The following PRKCA variants were observed in gnomAD, a reference collection of about 807,000 sequenced individuals.
The protein encoded by PRKCA is protein kinase C alpha, also known as protein kinase C alpha type.
A neutral mutation model predicts 87.0 loss-of-function variants in PRKCA; 27 were observed. The ratio of observed to expected loss-of-function variants is 0.31; its 90% confidence interval spans 0.23 to 0.43. The LOEUF (loss-of-function observed/expected upper bound fraction) is 0.43. Among genes scored for constraint, PRKCA ranks in the 20% least tolerant of loss-of-function variants. The pLI, the probability that PRKCA is intolerant of heterozygous loss-of-function variation, is 1.00. For synonymous variants in PRKCA, 329 were observed against 311.1 expected (o/e 1.06, Z -0.61); for missense variants, 518 against 852.3 (o/e 0.61, Z 4.88).
chr17:66,440,290 G>A (rs931355349), intron 2 of PRKCA, among the ~76,000 whole-genome samples: 1 of 152,186 alleles, frequency 6.6e-6, no homozygotes, highest in Non-Finnish European at 1.5e-5. Flanking sequence ...GCTACAGGAC[G>A]GAAAGGACTC....
intron 10 of PRKCA, among the ~76,000 whole-genome samples, chr17:66,736,389 T>G (rs1974027152): frequency 6.6e-6 from 1 of 152,002 alleles, no homozygotes; most frequent in Non-Finnish European, 1.5e-5. Flanking sequence ...GGGATTCTCC[T>G]GCCTCAGCCT....
chr17:66,370,228 C>CTTTTTTTTTTTTT (rs35851942), intron 2 of PRKCA, among the ~76,000 whole-genome samples: 1 of 112,258 alleles, frequency 8.9e-6, no homozygotes, highest in Non-Finnish European at 1.7e-5. Context: ...TATTTTGATA[C>CTTTTTTTTTTTTT]TTTTTTTTTT....
At chr17:66,447,523 T>TAAAGTGCAGCTTAAC (rs1355475070) in intron 2 of PRKCA, among the ~76,000 whole-genome samples, 2 of 152,308 alleles carry the variant, frequency 1.3e-5, no homozygotes, top group African/African-American at 2.4e-5. Flanking sequence ...GTTTTCTTGC[T>TAAAGTGCAGCTTAAC]AAAGTGCAGC....
At chr17:66,480,175 T>C (rs1915715815) in intron 2 of PRKCA, among the ~76,000 whole-genome samples, 1 of 152,158 alleles carries the variant, frequency 6.6e-6, no homozygotes, top group Non-Finnish European at 1.5e-5. Context: ...CTTCATATCC[T>C]TCTTTGTATG....
intron 3 of PRKCA, among the ~76,000 whole-genome samples, chr17:66,541,265 G>A (rs144719128): frequency 6.2e-4 from 94 of 152,332 alleles, no homozygotes; most frequent in African/African-American, 2.2e-3. Flanking sequence ...GTTAGCTGCA[G>A]ATTGTGGCTC....
chr17:66,612,759 A>ATTTTTTT, intron 3 of PRKCA, among the ~76,000 whole-genome samples: 1 of 150,314 alleles, frequency 6.7e-6, no homozygotes. Flanking sequence ...GCTAAGTTGT[A>ATTTTTTT]TGGAAACTCA....
chr17:66,591,437 G>A (rs1969801984), intron 3 of PRKCA, among the ~76,000 whole-genome samples: 1 of 152,084 alleles, frequency 6.6e-6, no homozygotes, highest in Non-Finnish European at 1.5e-5. Context: ...AGGATTACAG[G>A]TGTGAGCCAC....
intron 3 of PRKCA, among the ~76,000 whole-genome samples, chr17:66,553,151 T>G (rs1267790762): frequency 6.6e-6 from 1 of 151,928 alleles, no homozygotes; most frequent in Non-Finnish European, 1.5e-5. Flanking sequence ...CTGGCTAATT[T>G]TTGCATTTTT....
chr17:66,344,522 A>G (rs1907241326), intron 2 of PRKCA, among the ~76,000 whole-genome samples: 1 of 148,040 alleles, frequency 6.8e-6, no homozygotes, highest in Non-Finnish European at 1.5e-5. Flanking sequence ...CAACAACAAC[A>G]ACAAAAAAAC....
intron 16 of PRKCA, among the ~76,000 whole-genome samples, chr17:66,798,718 G>A (rs1294867845): frequency 2.1e-5 from 3 of 144,948 alleles, no homozygotes; most frequent in Non-Finnish European, 3.1e-5. Context: ...TGATGGTGGT[G>A]GTGGTGGTGG....
intron 3 of PRKCA, among the ~76,000 whole-genome samples, chr17:66,562,116 A>G (rs957972276): frequency 2.6e-4 from 28 of 109,616 alleles, no homozygotes; most frequent in Admixed American, 6.4e-4. Flanking sequence ...TTATATATAT[A>G]ATTAAATATA....
At position 66,803,245 on chromosome 17, in the gene PRKCA, C is replaced by T. The variant is rs1203844168; in HGVS notation, c.1855-628C>T. Among the ~76,000 whole-genome samples the T allele has an allele frequency of 6.6e-6, 1 of 152,160 alleles. No individual in the cohort carries two copies. Among genetic ancestry groups the T allele is most frequent in the Non-Finnish European group, 1.5e-5 (1 of 68,026 alleles). On this transcript the variant is annotated intron_variant, in intron 16 of 16. Transcript: ENST00000413366. The surrounding 1 kb of genome is among the most constrained non-coding windows in gnomAD (Gnocchi z 4.4). ...AAGCTCCAGTCAGTCACCCAGCCTG[C>T]CCGCTGGCCAGCTCTGTCTAGGTGT... is the stretch of plus-strand genomic sequence containing the variant.
intron 2 of PRKCA, among the ~76,000 whole-genome samples, chr17:66,319,030 G>C (rs938190467): frequency 6.6e-6 from 1 of 152,010 alleles, no homozygotes; most frequent in Non-Finnish European, 1.5e-5. Flanking sequence ...AGCTACTTTG[G>C]AAGTGGGAAG....
chr17:66,749,786 G>A (rs1185614349), intron 13 of PRKCA, among the ~76,000 whole-genome samples: 3 of 152,146 alleles, frequency 2.0e-5, no homozygotes, highest in African/African-American at 7.2e-5. Flanking sequence ...AGACTGAGAG[G>A]GGTGGAACTC....
intron 5 of PRKCA, among the ~76,000 whole-genome samples, chr17:66,672,864 GTAGA>G (rs1394848455): frequency 6.6e-6 from 1 of 152,192 alleles, no homozygotes; most frequent in Non-Finnish European, 1.5e-5. Flanking sequence ...ATATTTCAAT[GTAGA>G]TAGATGTGGA....
chr17:66,439,875 T>G (rs1257251688), intron 2 of PRKCA, among the ~76,000 whole-genome samples: 1 of 152,244 alleles, frequency 6.6e-6, no homozygotes, highest in Non-Finnish European at 1.5e-5. Flanking sequence ...TTTCCATGTT[T>G]TGAAAAGTAA....
chr17:66,576,195 G>A (rs1370623251), intron 3 of PRKCA, among the ~76,000 whole-genome samples: 1 of 152,202 alleles, frequency 6.6e-6, no homozygotes, highest in Non-Finnish European at 1.5e-5. Flanking sequence ...GTGCTATGAA[G>A]ACTGTCACAG....
chr17:66,426,324 T>C (rs932006305), intron 2 of PRKCA, among the ~76,000 whole-genome samples: 4 of 152,130 alleles, frequency 2.6e-5, no homozygotes, highest in African/African-American at 7.2e-5. Context: ...ATAGGAACTT[T>C]TGTAAGTTTT....
intron 3 of PRKCA, among the ~76,000 whole-genome samples, chr17:66,513,874 A>G (rs1405815285): frequency 6.6e-6 from 1 of 152,228 alleles, no homozygotes; most frequent in Non-Finnish European, 1.5e-5. Context: ...GATGGAAATC[A>G]TTTAATTGAT....
Sources: allele counts gnomAD v4.1 joint callset (sites outside exome capture counted in the v4.1 genomes callset), GRCh38; gene constraint gnomAD v4.1.1; non-coding constraint Gnocchi (gnomAD v3.1); transcripts MANE v1.5; gene names NCBI Gene and HGNC (gene_info 2026-07-23, HGNC 2026-07-21).